PPARGC1B: variants seen among roughly 807,000 people sequenced by gnomAD.
PPARGC1B encodes PPARG coactivator 1 beta, also known as peroxisome proliferator-activated receptor gamma coactivator 1-beta.
In PPARGC1B, 34 loss-of-function variants were observed where a neutral mutation model predicts 101.6. The observed-to-expected ratio is 0.33, with a 90% CI of 0.25 to 0.45. The LOEUF is 0.45. Ranked by LOEUF, PPARGC1B falls within the 20% of genes least tolerant of loss-of-function variation. PPARGC1B has a pLI of 1.00. For missense variants in PPARGC1B, 1,234 were observed against 1,317.6 expected, an observed-to-expected ratio of 0.94 and a Z score of 0.98; for synonymous variants, 548 against 539.3, an observed-to-expected ratio of 1.02 and a Z score of -0.22.
At chr5:149,732,725 G>A in intron 1 of PPARGC1B, 1 of 459,320 alleles carries the variant, frequency 2.2e-6, no homozygotes, top group Non-Finnish European at 4.5e-6. Context: ...GACCTGGGCG[G>A]GCCCAGTGTG....
rs759225363 is a variant in PPARGC1B at position 149,833,697 on chromosome 5, A to T, written c.1624A>T (p.Ile542Phe). 1 of 1,608,070 alleles carries T rather than the reference A, an allele frequency of 6.2e-7. No homozygotes were observed. The highest frequency in any genetic ancestry group is 1.1e-5 in the South Asian group (1 of 89,934). ...QDQQLLRGPQ[I>F]PALESPCESG... ...CCAGCAGCTCCTACGGGGACCCCAG[A>T]TCCCTGCCCTGGAGAGCCCCTGTGA... Residue 542 changes from isoleucine (I) to phenylalanine (F), a missense_variant, in exon 5 of 12, where the codon ATC (isoleucine) becomes TTC (phenylalanine). Around this residue, in one of 3 missense-constraint regions of PPARGC1B, gnomAD observed 734 missense variants for 768.4 expected, o/e 0.96. Transcript: ENST00000309241. This position sits in a 1 kb window ranked among gnomAD's most constrained non-coding sequence, Gnocchi z 4.1.
At position 149,832,235 on chromosome 5, in the gene PPARGC1B, G is replaced by T. The variant is rs182112697; in HGVS notation, c.583-421G>T. Among the ~76,000 whole-genome samples, 22 of 152,268 alleles carry T rather than the reference G, an allele frequency of 1.4e-4. No individual in the cohort carries two copies. The highest frequency in any genetic ancestry group is 4.8e-4 in the African/African-American group (20 of 41,554). ...GAGGCAGGAGAATCGCTTGAACCTG[G>T]GAAGCAGAGGTTGCAGTGGGCCGAG... On this transcript the variant is annotated intron_variant, in intron 4 of 11. Transcript: ENST00000309241. The surrounding 1 kb of genome is among the most constrained non-coding windows in gnomAD (Gnocchi z 4.9).
chr5:149,809,956 G>C (rs1306601911), intron 1 of PPARGC1B, among the ~76,000 whole-genome samples: 2 of 151,966 alleles, frequency 1.3e-5, no homozygotes, highest in Non-Finnish European at 2.9e-5. Flanking sequence ...GGAGAGAGAA[G>C]GCGTTCCAGG....
At chr5:149,805,533 G>C (rs951647701) in intron 1 of PPARGC1B, among the ~76,000 whole-genome samples, 1 of 152,182 alleles carries the variant, frequency 6.6e-6, no homozygotes, top group African/African-American at 2.4e-5. Context: ...TCTGCCTCCC[G>C]GGTTCAAGCG....
At chr5:149,804,593 A>T (rs1757532850) in intron 1 of PPARGC1B, among the ~76,000 whole-genome samples, 2 of 152,080 alleles carry the variant, frequency 1.3e-5, no homozygotes, top group Non-Finnish European at 2.9e-5. Flanking sequence ...AATCGCTTGA[A>T]CCCAGGAGAC....
intron 2 of PPARGC1B, among the ~76,000 whole-genome samples, chr5:149,821,153 G>C (rs537638996): frequency 4.6e-4 from 70 of 152,334 alleles, no homozygotes; most frequent in African/African-American, 1.5e-3. Context: ...TGGGAGAGCT[G>C]TCCCTGTTTG....
chr5:149,756,687 T>C (rs1390031545), intron 1 of PPARGC1B, among the ~76,000 whole-genome samples: 26 of 152,164 alleles, frequency 1.7e-4, no homozygotes, highest in Admixed American at 1.5e-3. Context: ...CCTGCCTCTG[T>C]AGACTCTGCA....
At chr5:149,804,939 C>T (rs745524628) in intron 1 of PPARGC1B, among the ~76,000 whole-genome samples, 4 of 152,122 alleles carry the variant, frequency 2.6e-5, no homozygotes, top group African/African-American at 9.7e-5. Flanking sequence ...CTGAGGACTC[C>T]GGGTTTTAGT....
intron 10 of PPARGC1B, among the ~76,000 whole-genome samples, chr5:149,843,918 A>C (rs1315862214): frequency 6.6e-6 from 1 of 152,234 alleles, no homozygotes; most frequent in Admixed American, 6.5e-5. Flanking sequence ...GTATGATTTC[A>C]CTTATATGCT....
intron 1 of PPARGC1B, among the ~76,000 whole-genome samples, chr5:149,804,558 G>C (rs1038092098): frequency 1.3e-5 from 2 of 152,200 alleles, no homozygotes; most frequent in Non-Finnish European, 2.9e-5. Context: ...TGTAGTCCCA[G>C]CTACTCGGGA....
chr5:149,760,312 G>T (rs770689584), intron 1 of PPARGC1B, among the ~76,000 whole-genome samples: 1 of 152,182 alleles, frequency 6.6e-6, no homozygotes, highest in Non-Finnish European at 1.5e-5. Context: ...TATCCCAGCC[G>T]CAGTGCTCCT....
chr5:149,830,143 G>A (rs976522934), intron 3 of PPARGC1B, among the ~76,000 whole-genome samples: 96 of 149,734 alleles, frequency 6.4e-4, no homozygotes, highest in African/African-American at 2.2e-3. Context: ...TAGGTTCACC[G>A]AAAAGTAGTT....
At chr5:149,753,269 T>C (rs1213438591) in intron 1 of PPARGC1B, among the ~76,000 whole-genome samples, 2 of 152,176 alleles carry the variant, frequency 1.3e-5, no homozygotes, top group East Asian at 3.9e-4. Context: ...TGCAGTGGCG[T>C]GATCTCGGCT....
chr5:149,761,093 T>C (rs940457286), intron 1 of PPARGC1B, among the ~76,000 whole-genome samples: 6 of 152,220 alleles, frequency 3.9e-5, no homozygotes, highest in African/African-American at 1.4e-4. Flanking sequence ...CTTTTCTTTT[T>C]CCAGCTTTAT....
chr5:149,845,236 C>T (rs1759505882), intron 10 of PPARGC1B, among the ~76,000 whole-genome samples: 1 of 152,070 alleles, frequency 6.6e-6, no homozygotes, highest in Admixed American at 6.5e-5. Context: ...AGGTGAAGGC[C>T]AAGATGGCAG....
rs1432771530 is a variant in PPARGC1B, at chr5:149,852,885, T to A, written c.*5327T>A. On this transcript the variant is annotated 3_prime_UTR_variant, in exon 12 of 12. Transcript: ENST00000309241. ...GCAGTGACTGAGCCTTCGTGATTCC[T>A]GGGGACAGCTTTTCAGATACTCTGT... 6.6e-6 allele frequency: 1 copy of A among 152,152 alleles called. No homozygotes were observed. The highest frequency in any genetic ancestry group is 2.4e-5 in the African/African-American group (1 of 41,420). The allele number at this position is 152,152 out of a possible 1,614,324, so 9.4% of individuals were successfully genotyped here. A position where few individuals can be genotyped will look rare whatever the true frequency, so the allele number is the denominator to read the frequency against.
rs532690912 is a variant in PPARGC1B, at chr5:149,833,661, A to C, written c.1588A>C (p.Ser530Arg). The change falls in exon 5 of 12, where the codon AGT becomes CGT. Residue 530 changes from serine to arginine, a missense_variant. Coordinates refer to ENST00000309241, the MANE Select transcript of PPARGC1B (RefSeq NM_133263.4). This position sits in a 1 kb window ranked among gnomAD's most constrained non-coding sequence, Gnocchi z 4.1. ...GCTGGGCAGCCCCACGGACGAGGAC[A>C]GTGGCCAAGACCAGCAGCTCCTACG... ...RELGSPTDED[S>R]GQDQQLLRGP... 5 of 1,610,216 alleles carry C rather than the reference A, an allele frequency of 3.1e-6. No homozygotes were observed. In the African/African-American group the frequency reaches 5.3e-5, roughly 17 times the overall value.
intron 1 of PPARGC1B, among the ~76,000 whole-genome samples, chr5:149,734,416 C>A (rs966167640): frequency 7.4e-6 from 1 of 135,682 alleles, no homozygotes; most frequent in East Asian, 2.1e-4. Flanking sequence ...TTTTTTTCCT[C>A]TTCCAAACAA....
chr5:149,810,336 G>C (rs1757805651), intron 1 of PPARGC1B, among the ~76,000 whole-genome samples: 1 of 152,214 alleles, frequency 6.6e-6, no homozygotes, highest in Non-Finnish European at 1.5e-5. Flanking sequence ...TCCTGGGCCT[G>C]GGGCAGGCTT....
Sources: allele counts gnomAD v4.1 joint callset (sites outside exome capture counted in the v4.1 genomes callset), GRCh38; gene constraint gnomAD v4.1.1; regional missense constraint gnomAD v4.1.1; non-coding constraint Gnocchi (gnomAD v3.1); transcripts MANE v1.5; gene names NCBI Gene and HGNC (gene_info 2026-07-23, HGNC 2026-07-21).